The following TRIM31 variants were observed in gnomAD, a reference collection of about 807,000 sequenced individuals.
The protein encoded by TRIM31 is E3 ubiquitin-protein ligase TRIM31.
A neutral mutation model predicts 40.6 loss-of-function variants in TRIM31; 31 were observed. The ratio of observed to expected loss-of-function variants is 0.76; its 90% CI spans 0.57 to 1.03. The LOEUF (loss-of-function observed/expected upper bound fraction) is 1.03. Ranked by LOEUF, TRIM31 falls within the 50% of genes least tolerant of loss-of-function variation. The pLI, the probability that TRIM31 is intolerant of heterozygous loss-of-function variation, is 0.00. For synonymous variants in TRIM31, 164 were observed against 193.9 expected (o/e 0.85, Z 1.28); for missense variants, 455 against 497.5 (o/e 0.91, Z 0.81).
chr6:30,112,791 C>G lies in TRIM31; in HGVS notation c.15G>C (p.Gln5His). 6.2e-7 allele frequency: 1 copy of G among 1,609,130 alleles called. No individual in the cohort carries two copies. Among genetic ancestry groups the G allele is most frequent in the Non-Finnish European group, 8.5e-7 (1 of 1,178,058 alleles). Residue 5 changes from glutamine to histidine, a missense_variant, in exon 2 of 9, where the codon CAG becomes CAC. Physicochemically the swap from Gln to His is conservative, Grantham distance 24. Transcript: ENST00000376734. ...CTTCCTCTTGCAGTTTGTTCACAAA[C>G]TGCCCACTGGCCATGACAGAACAAC... The part of the protein sequence containing the change: MASG[Q>H]FVNKLQEEVI...
Position 30,111,030 on chromosome 6 carries a change from C to CTTTTTTTTTTTT in TRIM31, c.514-364_514-353dup, listed in dbSNP as rs9278578. 2.8e-3 allele frequency among the ~76,000 whole-genome samples: 316 copies of CTTTTTTTTTTTT among 114,272 alleles called. 10 individuals carry two copies. The highest frequency in any genetic ancestry group is 4.1e-3 in the Non-Finnish European group (229 of 56,182). 75.0% of individuals were successfully genotyped at this position (114,272 alleles called of 152,430 possible). On this transcript the variant is annotated intron_variant, in intron 3 of 8. Coordinates refer to ENST00000376734, the MANE Select transcript of TRIM31 (RefSeq NM_007028.5). ...CACAATGTCTTCATTTTCCTTCTGT[C>CTTTTTTTTTTTT]TTTTTTTTTTTTTTTTTTTGAGACA...
In TRIM31 at chr6:30,110,464, G is replaced by A. The variant is rs1239845502; in HGVS notation, c.728C>T (p.Pro243Leu). The stretch of plus-strand genomic sequence containing the variant: ...GGGACTCACCTCCAGCAGCTGCCTG[G>A]GTGGCATGTTCTGCTTGGTCTTCAG... ...DSLKTKQNMP[P>L]RQLLEDIKVV... Residue 243 changes from proline to leucine, a missense_variant, in exon 4 of 9, where the codon CCC becomes CTC. Transcript: ENST00000376734. The A allele has an allele frequency of 6.2e-7, 1 of 1,613,992 alleles. No individual in the cohort carries two copies. The highest frequency in any genetic ancestry group is 1.3e-5 in the African/African-American group (1 of 74,892).
chr6:30,112,147 C>A (rs764637383), intron 2 of TRIM31: 51 of 575,506 alleles, frequency 8.9e-5, no homozygotes, highest in Admixed American at 2.1e-4. Flanking sequence ...TGGGCTTGAG[C>A]CCAAACCTTC....
At chr6:30,105,300 T>A in intron 6 of TRIM31, 58 bp from the exon 7 acceptor site, 1 of 1,340,552 alleles carries the variant, frequency 7.5e-7, no homozygotes, top group South Asian at 1.2e-5. Flanking sequence ...AGCAAAGAAC[T>A]CACTATCACA....
Position 30,103,448 on chromosome 6 carries a change from C to T in TRIM31, c.*88G>A. 3.9e-6 allele frequency: 6 copies of T among 1,556,556 alleles called. No individual in the cohort carries two copies. Among genetic ancestry groups the T allele is most frequent in the Non-Finnish European group, 5.2e-6 (6 of 1,152,370 alleles). On this transcript the variant is annotated 3_prime_UTR_variant, in exon 9 of 9. Transcript: ENST00000376734. ...CGACCCAATTCCACTAAGTCAAGAA[C>T]CGTGGTCGGTCTCAGCCACTCACTC...
chr6:30,108,487 A>C (rs1423425985), intron 5 of TRIM31, among the ~76,000 whole-genome samples: 1 of 148,494 alleles, frequency 6.7e-6, no homozygotes, highest in Non-Finnish European at 1.5e-5. Flanking sequence ...TGAACCTGGG[A>C]GACAAAGGTT....
In TRIM31 at chr6:30,112,435, T is replaced by G; in HGVS notation, c.371A>C (p.Lys124Thr). ...CFVCRESKDH[K>T]SHNVSLIEEA... is the part of the protein sequence containing the mutation. ...TTCGATCAAGCTGACATTATGGGAT[T>G]TGTGGTCCTTGGATTCACGACACAC... The change falls in exon 2 of 9, where the codon AAA becomes ACA. Residue 124 changes from lysine (K) to threonine (T), a missense_variant. Physicochemically the swap from Lys to Thr is moderately conservative, Grantham distance 78. Coordinates refer to ENST00000376734, the MANE Select transcript of TRIM31 (RefSeq NM_007028.5). The G allele has an allele frequency of 6.2e-7, 1 of 1,613,056 alleles. No individual in the cohort carries two copies. The highest frequency in any genetic ancestry group is 8.5e-7 in the Non-Finnish European group (1 of 1,180,022).
At chr6:30,113,004 G>A (rs1395777057) in intron 1 of TRIM31, 60 bp downstream of exon 1, 4 of 539,848 alleles carry the variant, frequency 7.4e-6, no homozygotes. Context: ...TGATAGAAAA[G>A]CGTAAAATTT....
At chr6:30,109,549 C>G (rs1255747198) in intron 4 of TRIM31, among the ~76,000 whole-genome samples, 1 of 152,104 alleles carries the variant, frequency 6.6e-6, no homozygotes, top group Non-Finnish European at 1.5e-5. Flanking sequence ...TGACAAAGAA[C>G]TGAATTTTTA....
chr6:30,108,024 G>T, intron 6 of TRIM31, 29 bp downstream of exon 6: 2 of 1,412,436 alleles, frequency 1.4e-6, no homozygotes, highest in African/African-American at 1.4e-5. Context: ...GGAAGTAGGT[G>T]AATAGAGAAA....
intron 6 of TRIM31, among the ~76,000 whole-genome samples, chr6:30,106,749 C>T (rs954229562): frequency 1.3e-5 from 2 of 152,142 alleles, no homozygotes; most frequent in African/African-American, 4.8e-5. Flanking sequence ...AAGGGCTGGG[C>T]TCCTTTATTG....
chr6:30,109,061 G>A lies in TRIM31; in HGVS notation c.745-13C>T. 1 of 1,612,952 alleles carries A rather than the reference G, an allele frequency of 6.2e-7. No homozygotes were observed. The highest frequency in any genetic ancestry group is 8.5e-7 in the Non-Finnish European group (1 of 1,180,016). On this transcript the variant is annotated splice_polypyrimidine_tract_variant and intron_variant, in intron 4 of 8. Coordinates refer to ENST00000376734, the MANE Select transcript of TRIM31 (RefSeq NM_007028.5). ...CGACTTTGATATCCTAGAAGAGAAA[G>A]AGAAACAGCACAGCCTCAGCACTTG...
chr6:30,111,443 G>T, intron 3 of TRIM31: 1 of 555,672 alleles, frequency 1.8e-6, no homozygotes, highest in South Asian at 2.5e-5. Flanking sequence ...CACCTTGTCT[G>T]CCGGTGGAGA....
intron 6 of TRIM31, among the ~76,000 whole-genome samples, chr6:30,106,620 G>A (rs894300416): frequency 6.6e-6 from 1 of 152,100 alleles, no homozygotes; most frequent in Non-Finnish European, 1.5e-5. Flanking sequence ...AGGAAATAGG[G>A]CCAGGTGGGA....
intron 8 of TRIM31, 123 bp downstream of exon 8, chr6:30,103,979 G>A (rs1261400107): frequency 4.3e-6 from 6 of 1,392,924 alleles, no homozygotes. Context: ...AGGAACTGAG[G>A]AAATGGAATA....
At chr6:30,111,212 T>C (rs972129718) in intron 3 of TRIM31, 4 of 173,640 alleles carry the variant, frequency 2.3e-5, no homozygotes, top group African/African-American at 4.8e-5. Context: ...TTCTTTCTTT[T>C]TTTTTTTAAT....
At chr6:30,103,966 G>T (rs1187395316) in intron 8 of TRIM31, 136 bp downstream of exon 8, 2 of 1,372,868 alleles carry the variant, frequency 1.5e-6, no homozygotes, top group Non-Finnish European at 2.0e-6. Context: ...GTGTAATTTG[G>T]GGAGGAACTG....
chr6:30,107,981 A>C lies in TRIM31; in HGVS notation c.883+72T>G, dbSNP rs1768883957. On this transcript the variant is annotated intron_variant, in intron 6 of 8. Coordinates refer to ENST00000376734, the MANE Select transcript of TRIM31 (RefSeq NM_007028.5). ...GTTGGCATGTATGAGTCACAGTTCCATTTCAGTGGAGTGAGCAGGGAGAGA... is the reference window on the plus strand; with the variant it reads ...GTTGGCATGTATGAGTCACAGTTCCCTTTCAGTGGAGTGAGCAGGGAGAGA... 22 of 1,043,634 alleles carry C rather than the reference A, an allele frequency of 2.1e-5. No individual in the cohort carries two copies. In the South Asian group the frequency reaches 2.9e-4, roughly 14 times the overall value. The allele number at this position is 1,043,634 out of a possible 1,614,324, so 64.6% of individuals were successfully genotyped here.
At chr6:30,111,883 G>A in intron 2 of TRIM31, 140 bp from the exon 3 acceptor site, 1 of 749,552 alleles carries the variant, frequency 1.3e-6, no homozygotes, top group Admixed American at 2.6e-5. Flanking sequence ...TTCTCAAGCT[G>A]GCGGGGAAAG....
Sources: gnomAD v4.1 joint callset for allele counts (sites outside exome capture counted in the v4.1 genomes callset) on GRCh38, gnomAD v4.1.1 for gene constraint, MANE v1.5 for transcripts, NCBI Gene and HGNC (gene_info 2026-07-23, HGNC 2026-07-21) for gene names.